The following PCDHGA5 variants were observed in gnomAD, a reference collection of about 807,000 sequenced individuals.
PCDHGA5 encodes the protein protocadherin gamma subfamily A, 5.
In PCDHGA5, 36 loss-of-function variants were observed where a neutral mutation model predicts 56.7. That is an observed-to-expected ratio of 0.64 (90% confidence interval 0.49 to 0.84). The LOEUF (loss-of-function observed/expected upper bound fraction) is 0.84. PCDHGA5 is among the 40% of genes least tolerant of loss of function. The pLI is 0.00. For synonymous variants in PCDHGA5, 563 were observed against 520.2 expected (o/e 1.08, Z -1.12); for missense variants, 1,305 against 1,201.5 (o/e 1.09, Z -1.27).
At position 141,477,576 on chromosome 5, in the gene PCDHGA5, C is replaced by A; in HGVS notation, c.2422-17231C>A. The A allele has an allele frequency of 6.2e-7, 1 of 1,614,162 alleles. No homozygotes were observed. The highest frequency in any genetic ancestry group is 8.5e-7 in the Non-Finnish European group (1 of 1,180,026). On this transcript the variant is annotated intron_variant, in intron 1 of 3. Transcript: ENST00000518069. The surrounding 1 kb of genome is among the most constrained non-coding windows in gnomAD (Gnocchi z 4.9). ...CTAAGTGTCTGGGACCCCGACGCCC[C>A]GCAGAATGCTCGGCTTTCTTTCTTT...
intron 1 of PCDHGA5, chr5:141,404,643 AC>A (rs769032535): frequency 2.5e-6 from 4 of 1,614,126 alleles, no homozygotes; most frequent in East Asian, 4.5e-5. Flanking sequence ...GAAATCCTGT[AC>A]CCTGCCCTCC....
At chr5:141,474,965 A>G (rs1268347441) in intron 1 of PCDHGA5, among the ~76,000 whole-genome samples, 1 of 152,236 alleles carries the variant, frequency 6.6e-6, no homozygotes, top group Non-Finnish European at 1.5e-5. Context: ...TATCCTAATC[A>G]TTATAATTTT....
chr5:141,441,764 C>A, intron 1 of PCDHGA5: 1 of 384,482 alleles, frequency 2.6e-6, no homozygotes, highest in South Asian at 2.1e-5. Flanking sequence ...TGAGCCTGCG[C>A]GTGTTGGTGG....
intron 1 of PCDHGA5, among the ~76,000 whole-genome samples, chr5:141,492,148 G>C (rs2099737507): frequency 6.6e-6 from 1 of 152,202 alleles, no homozygotes; most frequent in Admixed American, 6.5e-5. Flanking sequence ...TGACTTCACT[G>C]TTACCCTCCC....
chr5:141,423,929 G>C, intron 1 of PCDHGA5: 1 of 1,236,074 alleles, frequency 8.1e-7, no homozygotes, highest in East Asian at 3.5e-5. Flanking sequence ...TGCTGGTTTG[G>C]TTTGAAGTAA....
chr5:141,375,217 G>A (rs758328831), intron 1 of PCDHGA5: 2 of 1,613,968 alleles, frequency 1.2e-6, no homozygotes, highest in South Asian at 2.2e-5. Context: ...ACTCTGGCCT[G>A]AATGGCCTGG....
chr5:141,414,981 C>G (rs766434004), intron 1 of PCDHGA5: 12 of 1,613,722 alleles, frequency 7.4e-6, no homozygotes, highest in East Asian at 6.7e-5. Flanking sequence ...ACAGAGACTC[C>G]GGCCAGAACG....
intron 1 of PCDHGA5, chr5:141,404,094 A>C: frequency 6.2e-7 from 1 of 1,613,620 alleles, no homozygotes; most frequent in South Asian, 1.1e-5. Context: ...AAGAATGGTC[A>C]AGTTGTCTGT....
intron 1 of PCDHGA5, chr5:141,423,692 G>T: frequency 7.1e-7 from 1 of 1,405,756 alleles, no homozygotes; most frequent in Non-Finnish European, 9.4e-7. Context: ...CCTAATTGTT[G>T]GTGTCTTGGC....
intron 1 of PCDHGA5, among the ~76,000 whole-genome samples, chr5:141,437,829 C>T (rs2097913718): frequency 6.6e-6 from 1 of 151,986 alleles, no homozygotes; most frequent in Admixed American, 6.6e-5. Flanking sequence ...CCTCTGCCTC[C>T]TGGGTTCATG....
At chr5:141,415,014 C>G (rs747951360) in intron 1 of PCDHGA5, 1 of 1,613,502 alleles carries the variant, frequency 6.2e-7, no homozygotes, top group African/African-American at 1.3e-5. Flanking sequence ...ACCGTCTGCT[C>G]AAGGCCAGCG....
chr5:141,383,433 C>T, intron 1 of PCDHGA5: 1 of 1,613,986 alleles, frequency 6.2e-7, no homozygotes, highest in East Asian at 2.2e-5. Context: ...ATCGCCACTT[C>T]TCCCTGGCTG....
chr5:141,487,040 C>T lies in PCDHGA5; in HGVS notation c.2422-7767C>T, dbSNP rs374574042. The T allele has an allele frequency of 3.7e-6, 6 of 1,614,136 alleles. No homozygotes were observed. Among genetic ancestry groups the T allele is most frequent in the South Asian group, 1.1e-5 (1 of 91,082 alleles). On this transcript the variant is annotated intron_variant, in intron 1 of 3. Transcript: ENST00000518069. This position sits in a 1 kb window ranked among gnomAD's most constrained non-coding sequence, Gnocchi z 5.0. Reference sequence around the variant, plus strand: ...AGATCCCAGCCTGTTTGCAGTCTCTCGATATGCTGGGGAGGTGCGGACGGC... The same window carrying T: ...AGATCCCAGCCTGTTTGCAGTCTCTTGATATGCTGGGGAGGTGCGGACGGC...
At chr5:141,415,318 C>T (rs1324377536) in intron 1 of PCDHGA5, 4 of 1,614,252 alleles carry the variant, frequency 2.5e-6, no homozygotes, top group Admixed American at 1.7e-5. Flanking sequence ...CGTCATCGTG[C>T]TGCTGGCGCA....
chr5:141,381,698 C>A (rs1251060336), intron 1 of PCDHGA5, among the ~76,000 whole-genome samples: 1 of 152,046 alleles, frequency 6.6e-6, no homozygotes, highest in Non-Finnish European at 1.5e-5. Flanking sequence ...ACAACGATTT[C>A]TTTCTTTTTT....
intron 1 of PCDHGA5, chr5:141,409,464 C>G (rs1185218827): frequency 1.9e-6 from 3 of 1,613,940 alleles, no homozygotes; most frequent in Non-Finnish European, 1.7e-6. Context: ...TACAATGTCA[C>G]CATCGTAGCC....
intron 3 of PCDHGA5, among the ~76,000 whole-genome samples, chr5:141,505,861 C>A (rs115699706): frequency 0.034 from 5,102 of 152,242 alleles, 131 homozygotes; most frequent in Admixed American, 0.057. Flanking sequence ...GGGACAGGGA[C>A]CCCAAAGGGT....
At chr5:141,375,139 A>G (rs1406415297) in intron 1 of PCDHGA5, 11 of 1,613,936 alleles carry the variant, frequency 6.8e-6, no homozygotes, top group Non-Finnish European at 9.3e-6. Context: ...TTACATCTGG[A>G]AGCAGAACAA....
chr5:141,497,509 C>T (rs1282025317), intron 2 of PCDHGA5, among the ~76,000 whole-genome samples: 1 of 151,184 alleles, frequency 6.6e-6, no homozygotes, highest in Non-Finnish European at 1.5e-5. Flanking sequence ...CTCTCTGCTT[C>T]CTTAGTTAAC....
Sources: allele counts gnomAD v4.1 joint callset (sites outside exome capture counted in the v4.1 genomes callset), GRCh38; gene constraint gnomAD v4.1.1; non-coding constraint Gnocchi (gnomAD v3.1); transcripts MANE v1.5; gene names NCBI Gene and HGNC (gene_info 2026-07-23, HGNC 2026-07-21).